Variants in NKAIN2 observed in about 807,000 individuals in gnomAD.
NKAIN2 encodes the protein sodium/potassium transporting ATPase interacting 2.
Under a neutral mutation model 32.6 loss-of-function variants are expected in NKAIN2, and 14 were observed. The ratio of observed to expected loss-of-function variants is 0.43; its 90% CI spans 0.28 to 0.67. NKAIN2 has a LOEUF of 0.67. Ranked by LOEUF, NKAIN2 falls within the 30% of genes least tolerant of loss-of-function variation. The pLI is 0.17. For synonymous variants in NKAIN2, 80 were observed against 87.2 expected (o/e 0.92, Z 0.46); for missense variants, 198 against 258.3 (o/e 0.77, Z 1.60).
chr6:124,010,422 A>T (rs1780271919), intron 1 of NKAIN2, among the ~76,000 whole-genome samples: 1 of 151,686 alleles, frequency 6.6e-6, no homozygotes, highest in African/African-American at 2.4e-5. Context: ...TGGATACTTT[A>T]ACATTGTAGA....
chr6:124,065,875 G>T (rs1197722866), intron 1 of NKAIN2, among the ~76,000 whole-genome samples: 1 of 152,010 alleles, frequency 6.6e-6, no homozygotes, highest in African/African-American at 2.4e-5. Context: ...TGCTTCTGTT[G>T]TCTCTATTAA....
At chr6:123,814,544 A>T (rs1037982325) in intron 1 of NKAIN2, among the ~76,000 whole-genome samples, 2 of 152,180 alleles carry the variant, frequency 1.3e-5, no homozygotes, top group Non-Finnish European at 2.9e-5. Context: ...CTAAAGGTAG[A>T]CCTGTGGTTT....
chr6:124,306,696 A>C (rs977619824), intron 2 of NKAIN2, among the ~76,000 whole-genome samples: 3 of 152,174 alleles, frequency 2.0e-5, no homozygotes, highest in African/African-American at 7.2e-5. Flanking sequence ...GCATGATAAA[A>C]AACTATTTGA....
intron 1 of NKAIN2, among the ~76,000 whole-genome samples, chr6:124,108,672 A>G (rs1031630236): frequency 1.3e-5 from 2 of 151,994 alleles, no homozygotes; most frequent in African/African-American, 4.8e-5. Flanking sequence ...TTACAGTTTC[A>G]GGTATTCCAT....
At chr6:124,780,189 G>A (rs901624886) in intron 4 of NKAIN2, among the ~76,000 whole-genome samples, 2 of 152,134 alleles carry the variant, frequency 1.3e-5, no homozygotes, top group Non-Finnish European at 2.9e-5. Context: ...GTAAGGGTTG[G>A]GAGAGTGGTG....
chr6:123,950,132 A>C (rs1249098528), intron 1 of NKAIN2, among the ~76,000 whole-genome samples: 3 of 152,082 alleles, frequency 2.0e-5, no homozygotes, highest in Admixed American at 6.6e-5. Context: ...CATCACTGGG[A>C]TAAATCCCAC....
chr6:124,685,090 G>A (rs957606186), intron 4 of NKAIN2, among the ~76,000 whole-genome samples: 5 of 152,070 alleles, frequency 3.3e-5, no homozygotes, highest in African/African-American at 4.8e-5. Flanking sequence ...CTTATCACAT[G>A]GTATTGGAAG....
At chr6:124,730,153 C>A (rs1179616087) in intron 4 of NKAIN2, among the ~76,000 whole-genome samples, 2 of 91,320 alleles carry the variant, frequency 2.2e-5, no homozygotes, top group Admixed American at 2.5e-4. Context: ...TTTACAGATT[C>A]AATGCCATCC....
At chr6:124,133,458 C>A (rs111430772) in intron 1 of NKAIN2, among the ~76,000 whole-genome samples, 4 of 152,182 alleles carry the variant, frequency 2.6e-5, no homozygotes, top group African/African-American at 9.7e-5. Context: ...CCCCCAGCCA[C>A]CCTGCTCAAG....
chr6:124,731,897 T>G (rs1776697736), intron 4 of NKAIN2, among the ~76,000 whole-genome samples: 1 of 152,090 alleles, frequency 6.6e-6, no homozygotes, highest in African/African-American at 2.4e-5. Context: ...TACATAACAG[T>G]ATCTATAAAG....
intron 1 of NKAIN2, among the ~76,000 whole-genome samples, chr6:123,911,909 C>T (rs1490939732): frequency 6.7e-6 from 1 of 148,348 alleles, no homozygotes; most frequent in Non-Finnish European, 1.5e-5. Context: ...TGGGCATCAA[C>T]CAACCAATTT....
At position 124,825,441 on chromosome 6, in the gene NKAIN2, T is replaced by C. The variant is rs1303778052; in HGVS notation, c.*2212T>C. ...AAACATCTACAGTTGTACAGCTGTA[T>C]CCTCCTCAAAATCCGGTGAAGAATG... On this transcript the variant is annotated 3_prime_UTR_variant, in exon 7 of 7. Coordinates refer to ENST00000368417, the MANE Select transcript of NKAIN2 (RefSeq NM_001040214.3). 6.6e-6 allele frequency: 1 copy of C among 152,598 alleles called. No homozygotes were observed. The highest frequency in any genetic ancestry group is 2.4e-5 in the African/African-American group (1 of 41,430). The allele number at this position is 152,598 out of a possible 1,614,324, so 9.5% of individuals were successfully genotyped here. A position where few individuals can be genotyped will look rare whatever the true frequency, so the allele number is the denominator to read the frequency against.
intron 1 of NKAIN2, among the ~76,000 whole-genome samples, chr6:123,978,423 C>A (rs1778740838): frequency 6.6e-6 from 1 of 151,988 alleles, no homozygotes; most frequent in Admixed American, 6.6e-5. Context: ...TACTTTGGGG[C>A]AGAATATAAA....
intron 1 of NKAIN2, among the ~76,000 whole-genome samples, chr6:123,839,672 T>C (rs975949530): frequency 6.6e-6 from 1 of 152,198 alleles, no homozygotes; most frequent in African/African-American, 2.4e-5. Context: ...TGAGGTTAGC[T>C]AGTAGCATAC....
intron 4 of NKAIN2, among the ~76,000 whole-genome samples, chr6:124,675,386 C>A (rs542833163): frequency 1.3e-5 from 2 of 152,130 alleles, no homozygotes; most frequent in African/African-American, 4.8e-5. Context: ...GTTCTGATAT[C>A]AGGACAATGT....
At chr6:124,779,184 C>T (rs1476991111) in intron 4 of NKAIN2, among the ~76,000 whole-genome samples, 3 of 149,572 alleles carry the variant, frequency 2.0e-5, no homozygotes, top group Non-Finnish European at 1.5e-5. Flanking sequence ...GTGGAGGTTG[C>T]GGTGAGCAGA....
At chr6:124,129,028 G>A (rs1378960302) in intron 1 of NKAIN2, among the ~76,000 whole-genome samples, 1 of 152,166 alleles carries the variant, frequency 6.6e-6, no homozygotes, top group African/African-American at 2.4e-5. Flanking sequence ...CCAGGTGACA[G>A]TAATACTGCT....
At chr6:124,597,945 A>T (rs1217951586) in intron 3 of NKAIN2, among the ~76,000 whole-genome samples, 4 of 152,184 alleles carry the variant, frequency 2.6e-5, no homozygotes, top group Non-Finnish European at 5.9e-5. Context: ...AGAACATCTA[A>T]GTCTTACTAT....
In NKAIN2 at chr6:123,984,484, C is replaced by G. The variant is rs923556480; in HGVS notation, c.54+180230C>G. Among the ~76,000 whole-genome samples the G allele has an allele frequency of 3.9e-5, 6 of 151,944 alleles. No homozygotes were observed. In the East Asian group the frequency reaches 1.2e-3, roughly 29 times the overall value. Reference sequence around the variant, plus strand: ...TCAGTAATATCAAAACAGTATATTACTGTTTTACCAATACAGTAATATACT... The same window carrying G: ...TCAGTAATATCAAAACAGTATATTAGTGTTTTACCAATACAGTAATATACT... On this transcript the variant is annotated intron_variant, in intron 1 of 6. Transcript: ENST00000368417.
Sources: gnomAD v4.1 joint callset for allele counts (sites outside exome capture counted in the v4.1 genomes callset) on GRCh38, gnomAD v4.1.1 for gene constraint, MANE v1.5 for transcripts, NCBI Gene and HGNC (gene_info 2026-07-23, HGNC 2026-07-21) for gene names.